Variants in ADPRHL1 observed in about 807,000 individuals in gnomAD.
ADPRHL1 encodes the protein ADP-ribosylhydrolase like 1.
A neutral mutation model predicts 44.1 loss-of-function variants in ADPRHL1; 43 were observed. The ratio of observed to expected loss-of-function variants is 0.98; its 90% CI spans 0.76 to 1.26. The LOEUF is 1.26. ADPRHL1 is among the 50% of genes most tolerant of loss of function. The pLI is 0.00. For missense variants in ADPRHL1, 2,022 were observed against 2,496.9 expected (o/e 0.81, Z 4.05); for synonymous variants, 878 against 1,017.4 (o/e 0.86, Z 2.61).
At chr13:113,414,336 G>A (rs773427757) in intron 7 of ADPRHL1, among the ~76,000 whole-genome samples, 19 of 152,314 alleles carry the variant, frequency 1.2e-4, no homozygotes, top group Admixed American at 5.9e-4. Context: ...AACACCAGAG[G>A]CCTGCACTGC....
intron 4 of ADPRHL1, 34 bp downstream of exon 4, chr13:113,428,918 C>G: frequency 6.2e-7 from 1 of 1,610,530 alleles, no homozygotes; most frequent in Non-Finnish European, 8.5e-7. Flanking sequence ...CAGATCTGCT[C>G]TGAGTGCGGA....
In ADPRHL1 at chr13:113,429,005, C is replaced by G; in HGVS notation, c.593G>C (p.Arg198Pro). The G allele has an allele frequency of 6.2e-7, 1 of 1,612,858 alleles. No individual in the cohort carries two copies. The highest frequency in any genetic ancestry group is 1.1e-5 in the South Asian group (1 of 91,084). ...GTACTCTTCTGCCAGAGGCACCGCC[C>G]GCAGCATGTCTCTCCCCCACTGGAC... The part of the protein sequence containing the change: ...PLVQWGRDML[R>P]AVPLAEEYCR... The change falls in exon 4 of 8, where the codon CGG becomes CCG. Residue 198 changes from arginine to proline, a missense_variant. This residue lies in a region of ADPRHL1 where 437 missense variants were observed against 430.7 expected (regional missense o/e 1.01). Coordinates refer to ENST00000612156, the MANE Select transcript of ADPRHL1 (RefSeq NM_001394807.1).
intron 3 of ADPRHL1, among the ~76,000 whole-genome samples, chr13:113,432,902 G>A (rs2044017003): frequency 6.6e-6 from 1 of 152,156 alleles, no homozygotes; most frequent in African/African-American, 2.4e-5. Context: ...TTTTTAAATG[G>A]AAGCCAACCG....
intron 2 of ADPRHL1, among the ~76,000 whole-genome samples, chr13:113,443,257 T>C (rs200377683): frequency 1.3e-5 from 2 of 152,302 alleles, no homozygotes; most frequent in East Asian, 3.9e-4. Context: ...TTGACCTTTG[T>C]CTTGGGATAC....
rs33995150 is a variant in ADPRHL1 at position 113,419,280 on chromosome 13, AT to A, written c.1061+3545del. On this transcript the variant is annotated intron_variant, in intron 7 of 7. Transcript: ENST00000612156. ...AACACCATACCCAGCTAATTTTTGT[AT>A]TTTTTTTTTTTTTTTTGTAGAGATG... Among the ~76,000 whole-genome samples, 396 of 106,476 alleles carry A rather than the reference AT, an allele frequency of 3.7e-3. 2 individuals are homozygous for A. Among genetic ancestry groups the A allele is most frequent in the African/African-American group, 0.011 (273 of 25,508 alleles). The allele number at this position is 106,476 out of a possible 152,430, so 69.9% of individuals were successfully genotyped here.
chr13:113,444,313 C>T (rs920552336), intron 2 of ADPRHL1, 112 bp downstream of exon 2: 35 of 1,409,162 alleles, frequency 2.5e-5, no homozygotes, highest in Admixed American at 1.6e-4. Context: ...TAGGCAGATC[C>T]GGCCTCACTG....
chr13:113,442,783 T>C (rs1191247853), intron 2 of ADPRHL1, among the ~76,000 whole-genome samples: 1 of 152,236 alleles, frequency 6.6e-6, no homozygotes, highest in African/African-American at 2.4e-5. Context: ...CAAGTATTTA[T>C]GTTGCTTTTG....
chr13:113,414,395 C>A (rs1262910924), intron 7 of ADPRHL1, among the ~76,000 whole-genome samples: 1 of 151,610 alleles, frequency 6.6e-6, no homozygotes, highest in Non-Finnish European at 1.5e-5. Flanking sequence ...CCCCTTCCTC[C>A]CCTTGGCAGA....
intron 1 of ADPRHL1, among the ~76,000 whole-genome samples, chr13:113,448,216 C>G (rs148744859): frequency 6.6e-6 from 1 of 151,922 alleles, no homozygotes; most frequent in Non-Finnish European, 1.5e-5. Flanking sequence ...CCTGAGGGGC[C>G]GGGTGCAGTG....
rs2043813050 is a variant in ADPRHL1 at position 113,406,874 on chromosome 13, G to A, written c.2408C>T (p.Pro803Leu). The A allele has an allele frequency of 8.1e-7, 1 of 1,232,320 alleles. No individual in the cohort carries two copies. The highest frequency in any genetic ancestry group is 1.0e-6 in the Non-Finnish European group (1 of 988,250). The allele number at this position is 1,232,320 out of a possible 1,614,324, so 76.3% of individuals were successfully genotyped here. A position where few individuals can be genotyped will look rare whatever the true frequency, so the allele number is the denominator to read the frequency against. ...GAGFPDPGRD[P>L]LFATQKYFPE... ...GAAATACTTCTGGGTGGCAAAGAGG[G>A]GGTCTCTCCCTGGGTCTGGGAAGCC... is the stretch of plus-strand genomic sequence containing the variant. The change falls in exon 8 of 8, where the codon CCC (proline) becomes CTC (leucine). Residue 803 changes from proline to leucine, a missense_variant. Pro to Leu is a moderately conservative substitution (Grantham distance 98). Coordinates refer to ENST00000612156, the MANE Select transcript of ADPRHL1 (RefSeq NM_001394807.1).
intron 3 of ADPRHL1, among the ~76,000 whole-genome samples, 171 bp downstream of exon 3, chr13:113,433,571 C>T (rs2044022194): frequency 6.6e-6 from 1 of 152,232 alleles, no homozygotes; most frequent in Non-Finnish European, 1.5e-5. Context: ...GGCGCCCTCA[C>T]AGCAGGCAGC....
intron 7 of ADPRHL1, among the ~76,000 whole-genome samples, chr13:113,415,812 T>C (rs892512400): frequency 9.9e-5 from 15 of 151,650 alleles, no homozygotes; most frequent in Non-Finnish European, 2.2e-4. Flanking sequence ...TAGTAGTTTT[T>C]TTAAAATTGG....
At position 113,451,813 on chromosome 13, in the gene ADPRHL1, A is replaced by T. The variant is rs144088365; in HGVS notation, c.214+1411T>A. Among the ~76,000 whole-genome samples the T allele has an allele frequency of 3.1e-3, 465 of 152,104 alleles. 4 individuals carry two copies. Among genetic ancestry groups the T allele is most frequent in the African/African-American group, 0.01 (432 of 41,408 alleles). On this transcript the variant is annotated intron_variant, in intron 1 of 7. Transcript: ENST00000612156. ...ATGGAGAAAGACTCCGTCTCAAAAAACAAACAAAAAACAGTGCCCTAAACG... is the reference window on the plus strand; with the variant it reads ...ATGGAGAAAGACTCCGTCTCAAAAATCAAACAAAAAACAGTGCCCTAAACG...
Position 113,403,217 on chromosome 13 carries a change from A to G in ADPRHL1, c.*161T>C, listed in dbSNP as rs1333731840. The G allele has an allele frequency of 6.4e-6, 4 of 623,518 alleles. No homozygotes were observed. Among genetic ancestry groups the G allele is most frequent in the Non-Finnish European group, 9.2e-6 (4 of 433,746 alleles). The allele number at this position is 623,518 out of a possible 1,614,324, so 38.6% of individuals were successfully genotyped here. On this transcript the variant is annotated 3_prime_UTR_variant, in exon 8 of 8. Transcript: ENST00000612156. ...AGGAACCCGACCCACATGTAGCTCA[A>G]TCCTCCCAAGGTCAGCTTGTGAAGA...
intron 7 of ADPRHL1, among the ~76,000 whole-genome samples, chr13:113,411,828 T>TA (rs2043854299): frequency 6.6e-6 from 1 of 152,166 alleles, no homozygotes; most frequent in Non-Finnish European, 1.5e-5. Flanking sequence ...CACAGAGCCT[T>TA]TGTGTTTTGC....
chr13:113,407,570 T>A lies in ADPRHL1; in HGVS notation c.1712A>T (p.His571Leu), dbSNP rs1348270152. 1 of 1,232,118 alleles carries A rather than the reference T, an allele frequency of 8.1e-7. No individual in the cohort carries two copies. Among genetic ancestry groups the A allele is most frequent in the Non-Finnish European group, 1.0e-6 (1 of 988,110 alleles). The allele number at this position is 1,232,118 out of a possible 1,614,324, so 76.3% of individuals were successfully genotyped here. A position where few individuals can be genotyped will look rare whatever the true frequency, so the allele number is the denominator to read the frequency against. Residue 571 changes from histidine to leucine, a missense_variant, in exon 8 of 8, where the codon CAC becomes CTC. Physicochemically the swap from His to Leu is moderately conservative, Grantham distance 99. This residue lies in a region of ADPRHL1 where 1,221 missense variants were observed against 1,517.8 expected (regional missense o/e 0.80). Coordinates refer to ENST00000612156, the MANE Select transcript of ADPRHL1 (RefSeq NM_001394807.1). ...LCSEASALRL[H>L]TQERKKRNLQ... ...GTTCCTCTTCTTCCGCTCCTGCGTG[T>A]GCAGCCTCAGCGCACTGGCCTCGGA...
chr13:113,409,266 CT>C lies in ADPRHL1; in HGVS notation c.1062-1047del. On this transcript the variant is annotated intron_variant, in intron 7 of 7. Coordinates refer to ENST00000612156, the MANE Select transcript of ADPRHL1 (RefSeq NM_001394807.1). The surrounding 1 kb of genome is among the most constrained non-coding windows in gnomAD (Gnocchi z 4.2). ...GACCACAGGAGCAAAGCTGGAAGGT[CT>C]CCCCATCTGTGGCAGGGGGTGGAGC... The C allele has an allele frequency of 1.0e-6, 1 of 982,832 alleles. No individual in the cohort carries two copies. The highest frequency in any genetic ancestry group is 1.2e-6 in the Non-Finnish European group (1 of 827,630). The allele number at this position is 982,832 out of a possible 1,614,324, so 60.9% of individuals were successfully genotyped here.
At chr13:113,445,578 T>C (rs2044130596) in intron 1 of ADPRHL1, among the ~76,000 whole-genome samples, 1 of 152,178 alleles carries the variant, frequency 6.6e-6, no homozygotes, top group Admixed American at 6.5e-5. Context: ...CTGCTCCCTT[T>C]TCCTTGGTGA....
chr13:113,452,814 C>G (rs1031777875), intron 1 of ADPRHL1, among the ~76,000 whole-genome samples: 1 of 152,166 alleles, frequency 6.6e-6, no homozygotes, highest in African/African-American at 2.4e-5. Flanking sequence ...GTAATGAATT[C>G]AGAACAAGAA....
Sources: allele counts gnomAD v4.1 joint callset (sites outside exome capture counted in the v4.1 genomes callset), GRCh38; gene constraint gnomAD v4.1.1; regional missense constraint gnomAD v4.1.1; non-coding constraint Gnocchi (gnomAD v3.1); transcripts MANE v1.5; gene names NCBI Gene and HGNC (gene_info 2026-07-23, HGNC 2026-07-21).